The following C3 variants were observed in gnomAD, a reference collection of about 807,000 sequenced individuals.
C3 encodes the protein C3 and PZP-like alpha-2-macroglobulin domain-containing protein 1.
Under a neutral mutation model 207.9 loss-of-function variants are expected in C3, and 97 were observed. The ratio of observed to expected loss-of-function variants is 0.47; its 90% CI spans 0.40 to 0.55. C3 has a LOEUF of 0.55. C3 is among the 20% of genes least tolerant of loss of function. The pLI is 0.00. For missense variants in C3, 1,684 were observed against 2,171.7 expected (o/e 0.78, Z 4.46); for synonymous variants, 848 against 857.6 (o/e 0.99, Z 0.20).
intron 23 of C3, among the ~76,000 whole-genome samples, chr19:6,695,605 G>C (rs1306987258): frequency 2.0e-5 from 3 of 151,900 alleles, no homozygotes; most frequent in Admixed American, 1.3e-4. Flanking sequence ...TCAGCCTCCC[G>C]AGTGGCTGGG....
Position 6,719,785 on chromosome 19 carries a change from T to G in C3, c.75-382A>C, listed in dbSNP as rs1280287343. Among the ~76,000 whole-genome samples, 4 of 151,772 alleles carry G rather than the reference T, an allele frequency of 2.6e-5. No individual in the cohort carries two copies. Among genetic ancestry groups the G allele is most frequent in the African/African-American group, 9.7e-5 (4 of 41,246 alleles). ...GCCCCAAACCCTAAACCTCTACCTC[T>G]CTAAACACTCCAAATATGTAAACAC... On this transcript the variant is annotated intron_variant, in intron 1 of 40. Coordinates refer to ENST00000245907, the MANE Select transcript of C3 (RefSeq NM_000064.4). This position sits in a 1 kb window ranked among gnomAD's most constrained non-coding sequence, Gnocchi z 5.4.
chr19:6,710,565 G>A (rs1967896745), intron 13 of C3, 74 bp downstream of exon 13: 2 of 1,116,096 alleles, frequency 1.8e-6, no homozygotes, highest in Non-Finnish European at 2.6e-6. Context: ...GAGAGAGAGA[G>A]GAGACAGGGA....
chr19:6,702,993 G>A lies in C3; in HGVS notation c.2246-414C>T, dbSNP rs565174321. On this transcript the variant is annotated intron_variant, in intron 17 of 40. Transcript: ENST00000245907. ...AGGTTGCAGTGAGCTGAGATCACACGACTACACTCCAGCCCAGGCGACAGA... is the reference window on the plus strand; with the variant it reads ...AGGTTGCAGTGAGCTGAGATCACACAACTACACTCCAGCCCAGGCGACAGA... 2.6e-4 allele frequency: 65 copies of A among 254,250 alleles called. 1 individual carries two copies. The highest frequency in any genetic ancestry group is 1.4e-3 in the African/African-American group (64 of 44,894). 15.7% of individuals were successfully genotyped at this position (254,250 alleles called of 1,614,324 possible). A position where few individuals can be genotyped will look rare whatever the true frequency, so the allele number is the denominator to read the frequency against.
intron 29 of C3, 128 bp from the exon 30 acceptor site, chr19:6,685,274 G>T: frequency 1.2e-6 from 1 of 839,366 alleles, no homozygotes; most frequent in Non-Finnish European, 2.0e-6. Context: ...ACTAGAGAGT[G>T]CAGGGGTGAT....
rs912332040 is a variant in C3 at position 6,709,585 on chromosome 19, G to GC, written c.1845+98dup. The GC allele has an allele frequency of 1.2e-5, 16 of 1,293,660 alleles. No homozygotes were observed. In the South Asian group the frequency reaches 1.8e-4, roughly 14 times the overall value. The allele number at this position is 1,293,660 out of a possible 1,614,324, so 80.1% of individuals were successfully genotyped here. A position where few individuals can be genotyped will look rare whatever the true frequency, so the allele number is the denominator to read the frequency against. ...GCTCCGATCTCTGCTTTCAGCGCATGCCCCCCACTGCACTGCCCTCTCCAG... is the reference window on the plus strand; with the variant it reads ...GCTCCGATCTCTGCTTTCAGCGCATGCCCCCCCACTGCACTGCCCTCTCCAG... On this transcript the variant is annotated intron_variant, in intron 14 of 40. Coordinates refer to ENST00000245907, the MANE Select transcript of C3 (RefSeq NM_000064.4).
intron 19 of C3, among the ~76,000 whole-genome samples, chr19:6,701,021 T>C (rs1010396321): frequency 2.0e-5 from 3 of 151,854 alleles, no homozygotes; most frequent in African/African-American, 7.3e-5. Context: ...TAGGCGGAAA[T>C]GAGCAGGCAG....
At chr19:6,680,923 G>T (rs1790780831) in intron 35 of C3, among the ~76,000 whole-genome samples, 5 of 152,192 alleles carry the variant, frequency 3.3e-5, no homozygotes, top group Admixed American at 2.6e-4. Flanking sequence ...GAGGTGGCAG[G>T]TGTGGTGGCT....
chr19:6,711,762 G>C (rs530690382), intron 11 of C3, among the ~76,000 whole-genome samples: 2 of 152,332 alleles, frequency 1.3e-5, no homozygotes, highest in African/African-American at 4.8e-5. Context: ...TTCCCTCCCA[G>C]TGAGGGGCAA....
Position 6,686,349 on chromosome 19 carries a change from A to G in C3, c.3647-62T>C. The G allele has an allele frequency of 7.0e-6, 11 of 1,565,930 alleles. No individual in the cohort carries two copies. The South Asian group carries it at 1.1e-4, about 16-fold the overall frequency. On this transcript the variant is annotated intron_variant, in intron 28 of 40. Transcript: ENST00000245907. ...TCTGTCCAGCCTGGGGATGGCTCAG[A>G]GAAAGCTCAGAAAGAGATGCATGCT...
intron 26 of C3, among the ~76,000 whole-genome samples, chr19:6,691,074 G>GTTTTTTTA (rs1918154939): frequency 7.3e-6 from 1 of 137,242 alleles, no homozygotes. Flanking sequence ...TTTTTTTTTG[G>GTTTTTTTA]GACAGTTTTG....
rs560863634 is a variant in C3, at chr19:6,713,193, G to C, written c.999C>G (p.His333Gln). 1.9e-6 allele frequency: 3 copies of C among 1,613,748 alleles called. No individual in the cohort carries two copies. The South Asian group carries it at 3.3e-5, about 18-fold the overall frequency. Residue 333 changes from histidine (H) to glutamine (Q), a missense_variant, in exon 9 of 41, where the codon CAC becomes CAG. Physicochemically the swap from His to Gln is conservative, Grantham distance 24. Transcript: ENST00000245907. ...GGCCTTCAGACTGGGCCTCACCTGA[G>C]TGCAAGATGACGGTGGCAGACACGT... ...SLYVSATVIL[H>Q]SGSDMVQAER...
rs12971991 is a variant in C3 at position 6,700,443 on chromosome 19, G to A, written c.2440+1684C>T. 1.1e-4 allele frequency among the ~76,000 whole-genome samples: 2 copies of A among 17,628 alleles called. 1 individual carries two copies. The highest frequency in any genetic ancestry group is 7.7e-4 in the African/African-American group (2 of 2,608). The allele number at this position is 17,628 out of a possible 152,430, so 11.6% of individuals were successfully genotyped here. ...ATGTAATATATGATATATGTAATATGATATATGTAATATATATGTTATATA... is the reference window on the plus strand; with the variant it reads ...ATGTAATATATGATATATGTAATATAATATATGTAATATATATGTTATATA... On this transcript the variant is annotated intron_variant, in intron 19 of 40. Transcript: ENST00000245907.
At chr19:6,694,392 A>T in intron 24 of C3, 39 bp downstream of exon 24, 1 of 1,587,280 alleles carries the variant, frequency 6.3e-7, no homozygotes. Context: ...GCGCTCGGAA[A>T]GGGGTCCCTG....
rs771019505 is a variant in C3 at position 6,680,292 on chromosome 19, G to T, written c.4351-29C>A. On this transcript the variant is annotated intron_variant, in intron 35 of 40. Coordinates refer to ENST00000245907, the MANE Select transcript of C3 (RefSeq NM_000064.4). ...AGGGGGAAGGAGGAGCTTGGTCAGT[G>T]GGGTGATGTGGGAGGGAGTCCAGCA... is the stretch of plus-strand genomic sequence containing the variant. 7.7e-5 allele frequency: 92 copies of T among 1,187,892 alleles called. No homozygotes were observed. The African/African-American group carries it at 1.2e-3, about 15-fold the overall frequency. 73.6% of individuals were successfully genotyped at this position (1,187,892 alleles called of 1,614,324 possible).
chr19:6,710,191 A>AG (rs1967880123), intron 13 of C3, among the ~76,000 whole-genome samples: 1 of 106,622 alleles, frequency 9.4e-6, no homozygotes, highest in East Asian at 5.7e-4. Context: ...GGAGAGAGAG[A>AG]GGGAAAGAGA....
chr19:6,678,157 C>T lies in C3; in HGVS notation c.4845G>A (p.Lys1615=), dbSNP rs1300064126. 1.9e-6 allele frequency: 3 copies of T among 1,614,190 alleles called. No individual in the cohort carries two copies. Among genetic ancestry groups the T allele is most frequent in the Non-Finnish European group, 2.5e-6 (3 of 1,180,034 alleles). Residue 1615 remains lysine (K), a synonymous_variant, in exon 40 of 41, where the codon AAG becomes AAA. Coordinates refer to ENST00000245907, the MANE Select transcript of C3 (RefSeq NM_000064.4). ...CGCGCAGGGAAAGCACTCACTTGGGCTTCTCTCCCCAGAAATCGGAGGAGA... is the reference window on the plus strand; with the variant it reads ...CGCGCAGGGAAAGCACTCACTTGGGTTTCTCTCCCCAGAAATCGGAGGAGA... ...WGLSSDFWGE[K]PNLSYIIGKD... is the part of the protein sequence containing the mutation.
rs1255051177 is a variant in C3 at position 6,718,123 on chromosome 19, C to A, written c.475G>T (p.Val159Leu). 2 of 1,614,160 alleles carry A rather than the reference C, an allele frequency of 1.2e-6. No individual in the cohort carries two copies. Among genetic ancestry groups the A allele is most frequent in the South Asian group, 2.2e-5 (2 of 91,086 alleles). ...ATGTTGACCATGACCGTCCGGCCCACGGGTAGCAGCTTGTGGTTGACGGTG... is the reference window on the plus strand; with the variant it reads ...ATGTTGACCATGACCGTCCGGCCCAAGGGTAGCAGCTTGTGGTTGACGGTG... Reference protein sequence around the residue: ...IFTVNHKLLPVGRTVMVNIEN... With the variant: ...IFTVNHKLLPLGRTVMVNIEN... The change falls in exon 4 of 41, where the codon GTG becomes TTG. Residue 159 changes from valine to leucine, a missense_variant. Physicochemically the swap from Val to Leu is conservative, Grantham distance 32 (BLOSUM62 1). Transcript: ENST00000245907.
rs1968128536 is a variant in C3 at position 6,719,934 on chromosome 19, C to A, written c.75-531G>T. ...TCCAACACCCCAGTCCTAATAAATA[C>A]AATCAATTCCAAATGCCCCAACTAT... On this transcript the variant is annotated intron_variant, in intron 1 of 40. Transcript: ENST00000245907. The surrounding 1 kb of genome is among the most constrained non-coding windows in gnomAD (Gnocchi z 5.4). Among the ~76,000 whole-genome samples, 1 of 152,104 alleles carries A rather than the reference C, an allele frequency of 6.6e-6. No homozygotes were observed. Among genetic ancestry groups the A allele is most frequent in the South Asian group, 2.1e-4 (1 of 4,828 alleles).
chr19:6,689,319 C>A (rs896029333), intron 27 of C3, among the ~76,000 whole-genome samples: 17 of 100,656 alleles, frequency 1.7e-4, no homozygotes, highest in African/African-American at 5.4e-4. Context: ...CTCTCTCTCT[C>A]TCTACCTACC....
Sources: allele counts gnomAD v4.1 joint callset (sites outside exome capture counted in the v4.1 genomes callset), GRCh38; gene constraint gnomAD v4.1.1; non-coding constraint Gnocchi (gnomAD v3.1); transcripts MANE v1.5; gene names NCBI Gene and HGNC (gene_info 2026-07-23, HGNC 2026-07-21).